The following GRM1 variants were observed in gnomAD, a reference collection of about 807,000 sequenced individuals.
GRM1 encodes metabotropic glutamate receptor 1.
In GRM1, 33 loss-of-function variants were observed where a neutral mutation model predicts 90.9. That is an observed-to-expected ratio of 0.36 (90% CI 0.28 to 0.49). GRM1 has a LOEUF of 0.49. GRM1 is among the 20% of genes least tolerant of loss of function. GRM1 has a pLI of 0.99. For synonymous variants in GRM1, 700 were observed against 613.2 expected (o/e 1.14, Z -2.09); for missense variants, 1,190 against 1,534.3 (o/e 0.78, Z 3.75).
chr6:146,030,437 G>A (rs1790664196), intron 1 of GRM1, among the ~76,000 whole-genome samples: 1 of 152,214 alleles, frequency 6.6e-6, no homozygotes. Context: ...GATAATAGGA[G>A]CTGAAAGGGT....
intron 3 of GRM1, among the ~76,000 whole-genome samples, chr6:146,326,782 G>A (rs1033358022): frequency 6.6e-6 from 1 of 152,118 alleles, no homozygotes; most frequent in Non-Finnish European, 1.5e-5. Context: ...ATGCCTGGAT[G>A]TGTTTTATGC....
chr6:146,155,165 A>T (rs1460645927), intron 1 of GRM1, among the ~76,000 whole-genome samples: 9 of 152,234 alleles, frequency 5.9e-5, no homozygotes, highest in African/African-American at 2.2e-4. Flanking sequence ...AAAATAAAGC[A>T]ATCAGTAATA....
At chr6:146,411,550 T>A (rs1213040025) in intron 7 of GRM1, among the ~76,000 whole-genome samples, 2 of 152,104 alleles carry the variant, frequency 1.3e-5, no homozygotes, top group Non-Finnish European at 2.9e-5. Context: ...GTGAGATGTG[T>A]GTTTCAGAAC....
At chr6:146,179,601 T>C (rs1306791031) in intron 2 of GRM1, among the ~76,000 whole-genome samples, 1 of 152,092 alleles carries the variant, frequency 6.6e-6, no homozygotes, top group Non-Finnish European at 1.5e-5. Context: ...GCAAGCTCCG[T>C]CTCCCGGGTT....
In GRM1 at chr6:146,433,525, AGTGTGTGT is replaced by A. The variant is rs72224796; in HGVS notation, c.2661-320_2661-313del. Among the ~76,000 whole-genome samples, 794 of 148,150 alleles carry A rather than the reference AGTGTGTGT, an allele frequency of 5.4e-3. 1 individual carries two copies. Among genetic ancestry groups the A allele is most frequent in the African/African-American group, 8.8e-3 (354 of 40,244 alleles). On this transcript the variant is annotated intron_variant, in intron 7 of 7. Transcript: ENST00000282753. Reference sequence around the variant, plus strand: ...CTCCATCAGTTGGGAGTTTTTCAAAAGTGTGTGTGTGTGTGTGTGTGTGTGTGTGTGTG... The same window carrying A: ...CTCCATCAGTTGGGAGTTTTTCAAAAGTGTGTGTGTGTGTGTGTGTGTGTG...
chr6:146,368,367 TTC>T (rs1455827727), intron 5 of GRM1, among the ~76,000 whole-genome samples: 1 of 152,102 alleles, frequency 6.6e-6, no homozygotes, highest in African/African-American at 2.4e-5. Context: ...CTTTATTACT[TTC>T]TCTTGCCTAA....
chr6:146,306,449 T>G (rs1239568947), intron 3 of GRM1, among the ~76,000 whole-genome samples: 1 of 152,158 alleles, frequency 6.6e-6, no homozygotes, highest in Non-Finnish European at 1.5e-5. Context: ...ATAGTGCCTA[T>G]TTTTAGACTT....
At chr6:146,215,162 A>G (rs1209244610) in intron 2 of GRM1, among the ~76,000 whole-genome samples, 1 of 152,240 alleles carries the variant, frequency 6.6e-6, no homozygotes, top group African/African-American at 2.4e-5. Flanking sequence ...GCCTTTAAAT[A>G]GTTGTCTGGC....
intron 2 of GRM1, among the ~76,000 whole-genome samples, chr6:146,166,409 G>A (rs1290540373): frequency 2.0e-5 from 3 of 152,118 alleles, no homozygotes; most frequent in Admixed American, 1.3e-4. Flanking sequence ...CAAAGTGAAA[G>A]GTTAACTCTA....
At chr6:146,119,516 A>G (rs1014918292) in intron 1 of GRM1, among the ~76,000 whole-genome samples, 4 of 152,158 alleles carry the variant, frequency 2.6e-5, no homozygotes, top group Admixed American at 6.5e-5. Context: ...GTCCTTGCCC[A>G]TGCCTATGTC....
At chr6:146,405,924 A>T (rs984502034) in intron 7 of GRM1, among the ~76,000 whole-genome samples, 7 of 152,176 alleles carry the variant, frequency 4.6e-5, no homozygotes, top group African/African-American at 9.7e-5. Context: ...ATCACCAAGG[A>T]TGGGGACTGT....
At chr6:146,329,208 G>C (rs888502728) in intron 3 of GRM1, among the ~76,000 whole-genome samples, 2 of 152,228 alleles carry the variant, frequency 1.3e-5, no homozygotes, top group Non-Finnish European at 2.9e-5. Context: ...AGGTGAGTGT[G>C]TGATACACAG....
chr6:146,233,261 C>T (rs1339013620), intron 2 of GRM1, among the ~76,000 whole-genome samples: 2 of 152,092 alleles, frequency 1.3e-5, no homozygotes, highest in Non-Finnish European at 2.9e-5. Flanking sequence ...GCCCTCTAAG[C>T]ATTGCTTTAG....
chr6:146,159,299 G>C, intron 1 of GRM1, 49 bp from the exon 2 acceptor site: 2 of 1,611,388 alleles, frequency 1.2e-6, no homozygotes, highest in South Asian at 1.1e-5. Flanking sequence ...TGTGTAAGTA[G>C]TGTTATTGCC....
rs148042148 is a variant in GRM1, at chr6:146,399,622, C to T, written c.2583C>T (p.Gly861=). ...CTGATGTTGTCCGCATGCATGTTGG[C>T]GATGGCAAGCTGCCCTGCCGCTCCA... The part of the protein sequence containing the change: ...TTSDVVRMHV[G]DGKLPCRSNT... The change falls in exon 7 of 8, where the codon GGC becomes GGT. Residue 861 remains glycine (G), a synonymous_variant. Coordinates refer to ENST00000282753, the MANE Select transcript of GRM1 (RefSeq NM_001278064.2). This position sits in a 1 kb window ranked among gnomAD's most constrained non-coding sequence, Gnocchi z 5.4. The T allele has an allele frequency of 1.1e-5, 17 of 1,613,680 alleles. No individual in the cohort carries two copies. The South Asian group carries it at 1.4e-4, about 14-fold the overall frequency.
chr6:146,272,983 C>G (rs1308538926), intron 2 of GRM1, among the ~76,000 whole-genome samples: 1 of 152,094 alleles, frequency 6.6e-6, no homozygotes, highest in Non-Finnish European at 1.5e-5. Context: ...GAGAAGAAAA[C>G]ACAAAATGAT....
intron 1 of GRM1, among the ~76,000 whole-genome samples, chr6:146,145,479 C>T (rs1014846944): frequency 1.7e-4 from 26 of 152,304 alleles, no homozygotes; most frequent in East Asian, 1.5e-3. Flanking sequence ...AAGCACACTG[C>T]GCAGCTGCTC....
At chr6:146,132,250 G>A (rs920370381) in intron 1 of GRM1, among the ~76,000 whole-genome samples, 1 of 152,138 alleles carries the variant, frequency 6.6e-6, no homozygotes, top group African/African-American at 2.4e-5. Flanking sequence ...TTTCTAGGTT[G>A]AGAATGGATC....
At chr6:146,317,024 G>A (rs537930387) in intron 3 of GRM1, among the ~76,000 whole-genome samples, 6 of 152,256 alleles carry the variant, frequency 3.9e-5, no homozygotes, top group South Asian at 2.1e-4. Context: ...GACAAGCCTC[G>A]CCTTCCAGAC....
Sources: gnomAD v4.1 joint callset for allele counts (sites outside exome capture counted in the v4.1 genomes callset) on GRCh38, gnomAD v4.1.1 for gene constraint, Gnocchi (gnomAD v3.1) non-coding constraint, MANE v1.5 for transcripts, NCBI Gene and HGNC (gene_info 2026-07-23, HGNC 2026-07-21) for gene names.